The following DGUOK variants were observed in gnomAD, a reference collection of about 807,000 sequenced individuals.
DGUOK encodes deoxyguanosine kinase, also known as deoxyguanosine kinase, mitochondrial.
DGUOK carries 30 observed loss-of-function variants against 36.6 expected under a neutral mutation model. The observed-to-expected ratio is 0.82, with a 90% CI of 0.61 to 1.11. The LOEUF is 1.11. Ranked by LOEUF, DGUOK falls within the 50% of genes most tolerant of loss-of-function variation. The pLI is 0.00. For synonymous variants in DGUOK, 145 were observed against 126.3 expected (o/e 1.15, Z -0.99); for missense variants, 361 against 336.4 (o/e 1.07, Z -0.57).
At chr2:73,940,326 C>T (rs890592866) in intron 2 of DGUOK, among the ~76,000 whole-genome samples, 9 of 152,180 alleles carry the variant, frequency 5.9e-5, no homozygotes, top group Non-Finnish European at 2.9e-5. Flanking sequence ...ACTAAGAGTG[C>T]TACTTGGAGG....
intron 4 of DGUOK, among the ~76,000 whole-genome samples, chr2:73,951,844 G>T (rs1449832806): frequency 6.6e-6 from 1 of 152,214 alleles, no homozygotes; most frequent in Non-Finnish European, 1.5e-5. Flanking sequence ...GGGAATAAGA[G>T]ATTCTACAGA....
In DGUOK at chr2:73,950,605, T is replaced by A. The variant is rs1682637115; in HGVS notation, c.464T>A (p.Leu155His). ...ACCAGGTATATCTTTGCAAAGAATC[T>A]TTTTGAAAATGGTTCCCTCAGTGAC... Reference protein sequence around the residue: ...YSDRYIFAKNLFENGSLSDIE... With the variant: ...YSDRYIFAKNHFENGSLSDIE... The change falls in exon 4 of 7, where the codon CTT becomes CAT. Residue 155 changes from leucine to histidine, a missense_variant. Transcript: ENST00000264093. 1 of 1,614,204 alleles carries A rather than the reference T, an allele frequency of 6.2e-7. No individual in the cohort carries two copies. The highest frequency in any genetic ancestry group is 1.3e-5 in the African/African-American group (1 of 75,046).
chr2:73,953,960 C>T (rs1190567880), intron 4 of DGUOK, among the ~76,000 whole-genome samples: 2 of 151,944 alleles, frequency 1.3e-5, no homozygotes, highest in East Asian at 1.9e-4. Flanking sequence ...TGACGTGATC[C>T]GCCCGCCTCG....
intron 2 of DGUOK, 36 bp downstream of exon 2, chr2:73,939,058 T>C (rs1681703748): frequency 7.6e-7 from 1 of 1,324,360 alleles, no homozygotes; most frequent in Admixed American, 1.7e-5. Flanking sequence ...TTGGCAGGCA[T>C]GGGTGAATAA....
intron 4 of DGUOK, among the ~76,000 whole-genome samples, chr2:73,952,492 A>T (rs1436837909): frequency 6.6e-6 from 1 of 152,190 alleles, no homozygotes; most frequent in African/African-American, 2.4e-5. Flanking sequence ...GCCAAAGAGG[A>T]GTGAGAGTGC....
chr2:73,956,980 C>A, intron 4 of DGUOK, 145 bp from the exon 5 acceptor site: 1 of 522,524 alleles, frequency 1.9e-6, no homozygotes, highest in Non-Finnish European at 3.5e-6. Context: ...CCTCTGATTG[C>A]ATAAGAAAAC....
At chr2:73,943,549 T>G (rs142602500) in intron 2 of DGUOK, among the ~76,000 whole-genome samples, 49 of 152,306 alleles carry the variant, frequency 3.2e-4, no homozygotes, top group African/African-American at 1.1e-3. Context: ...AAATGATCTA[T>G]TCCTTGAAGG....
At chr2:73,956,883 G>C (rs1462095080) in intron 4 of DGUOK, among the ~76,000 whole-genome samples, 1 of 152,244 alleles carries the variant, frequency 6.6e-6, no homozygotes, top group Non-Finnish European at 1.5e-5. Flanking sequence ...TGGATGACTG[G>C]ATGGATGATG....
At chr2:73,954,497 C>A (rs1682944205) in intron 4 of DGUOK, among the ~76,000 whole-genome samples, 1 of 152,026 alleles carries the variant, frequency 6.6e-6, no homozygotes, top group Non-Finnish European at 1.5e-5. Context: ...TAGGGAGACC[C>A]CATCTCTAAA....
At chr2:73,934,708 TCACC>T in intron 1 of DGUOK, among the ~76,000 whole-genome samples, 1 of 145,834 alleles carries the variant, frequency 6.9e-6, no homozygotes, top group African/African-American at 2.5e-5. Flanking sequence ...TGAGCCGAGA[TCACC>T]CCACTGCACT....
At chr2:73,951,736 C>T (rs1682719481) in intron 4 of DGUOK, among the ~76,000 whole-genome samples, 1 of 152,038 alleles carries the variant, frequency 6.6e-6, no homozygotes, top group Non-Finnish European at 1.5e-5. Flanking sequence ...AAGGTGGCAA[C>T]CAGGAAAAAA....
At chr2:73,932,795 A>G (rs1681153921) in intron 1 of DGUOK, 1 of 425,794 alleles carries the variant, frequency 2.3e-6, no homozygotes, top group South Asian at 2.2e-5. Context: ...GTAGCAACTA[A>G]TGGCATCTAG....
intron 1 of DGUOK, among the ~76,000 whole-genome samples, chr2:73,937,507 G>GA (rs1573522892): frequency 1.3e-5 from 2 of 152,332 alleles, no homozygotes; most frequent in East Asian, 3.9e-4. Context: ...GGACAAATAT[G>GA]AAAAATGTAG....
intron 1 of DGUOK, among the ~76,000 whole-genome samples, chr2:73,936,862 A>AT (rs1268116093): frequency 3.3e-5 from 5 of 152,216 alleles, no homozygotes; most frequent in African/African-American, 1.2e-4. Context: ...AATACCAACC[A>AT]TGCAGAAAGG....
chr2:73,944,108 C>G (rs1156744557), intron 2 of DGUOK, among the ~76,000 whole-genome samples: 1 of 152,160 alleles, frequency 6.6e-6, no homozygotes, highest in East Asian at 1.9e-4. Flanking sequence ...GCACTGAACT[C>G]CTGGGTTCAA....
At chr2:73,930,134 A>G (rs1680900680) in intron 1 of DGUOK, among the ~76,000 whole-genome samples, 1 of 152,202 alleles carries the variant, frequency 6.6e-6, no homozygotes. Flanking sequence ...GGCAAAATAT[A>G]TGAGCACCAA....
chr2:73,939,907 C>T lies in DGUOK; in HGVS notation c.255+885C>T, dbSNP rs1490716177. On this transcript the variant is annotated intron_variant, in intron 2 of 6. Coordinates refer to ENST00000264093, the MANE Select transcript of DGUOK (RefSeq NM_080916.3). The stretch of plus-strand genomic sequence containing the variant: ...TCTTTCTCCCCCTCAAGTCTCTCTC[C>T]TTTTTTTTTTTTTTTTGACAGTCTC... Among the ~76,000 whole-genome samples, 68 of 136,658 alleles carry T rather than the reference C, an allele frequency of 5.0e-4. 1 individual carries two copies. The South Asian group carries it at 0.015, about 30-fold the overall frequency. 89.7% of individuals were successfully genotyped at this position (136,658 alleles called of 152,430 possible). A position where few individuals can be genotyped will look rare whatever the true frequency, so the allele number is the denominator to read the frequency against.
At chr2:73,929,341 C>A (rs1050614319) in intron 1 of DGUOK, among the ~76,000 whole-genome samples, 1 of 152,200 alleles carries the variant, frequency 6.6e-6, no homozygotes, top group Admixed American at 6.6e-5. Context: ...ATCTCCTGGG[C>A]TCAATTGATC....
chr2:73,958,645 G>A, intron 6 of DGUOK, 65 bp from the exon 7 acceptor site: 4 of 1,377,480 alleles, frequency 2.9e-6, no homozygotes, highest in Non-Finnish European at 4.1e-6. Context: ...TATGCATTGG[G>A]GGTGGACCAT....
Sources: gnomAD v4.1 joint callset for allele counts (sites outside exome capture counted in the v4.1 genomes callset) on GRCh38, gnomAD v4.1.1 for gene constraint, MANE v1.5 for transcripts, NCBI Gene and HGNC (gene_info 2026-07-23, HGNC 2026-07-21) for gene names.